PDE8B: variants seen among roughly 807,000 people sequenced by gnomAD.
PDE8B encodes phosphodiesterase 8B.
PDE8B carries 26 observed loss-of-function variants against 101.3 expected under a neutral mutation model. That is an observed-to-expected ratio of 0.26 (90% CI 0.19 to 0.36). The LOEUF (loss-of-function observed/expected upper bound fraction) is 0.36, where lower values mean the gene tolerates loss of function less well. Ranked by LOEUF, PDE8B falls within the 10% of genes least tolerant of loss-of-function variation. The pLI is 1.00. For missense variants in PDE8B, 810 were observed against 1,163.1 expected (o/e 0.70, Z 4.42); for synonymous variants, 424 against 429.3 (o/e 0.99, Z 0.15).
the PDE8B span, among the ~76,000 whole-genome samples, chr5:77,193,596 T>C: frequency 6.6e-6 from 1 of 152,160 alleles, no homozygotes; most frequent in Non-Finnish European, 1.5e-5. Context: ...AATTTTAAAA[T>C]CAGGCACTGT....
At chr5:77,348,367 A>G (rs1427903284) in intron 7 of PDE8B, among the ~76,000 whole-genome samples, 3 of 152,208 alleles carry the variant, frequency 2.0e-5, no homozygotes, top group Non-Finnish European at 4.4e-5. Flanking sequence ...AGGGTGGGAC[A>G]GGACCTGGGA....
intron 10 of PDE8B, among the ~76,000 whole-genome samples, chr5:77,379,267 GA>G (rs1178591939): frequency 6.6e-6 from 1 of 152,190 alleles, no homozygotes; most frequent in Non-Finnish European, 1.5e-5. Context: ...AACAGCAGAA[GA>G]AGATAAATCT....
intron 1 of PDE8B, among the ~76,000 whole-genome samples, chr5:77,233,795 T>G (rs1046857624): frequency 1.3e-5 from 2 of 150,604 alleles, no homozygotes; most frequent in Non-Finnish European, 3.0e-5. Flanking sequence ...AGGGTATGTT[T>G]GAGTTTTTTT....
At chr5:77,101,140 T>G in the PDE8B span, among the ~76,000 whole-genome samples, 149 of 151,288 alleles carry the variant, frequency 9.8e-4, no homozygotes, top group Non-Finnish European at 2.0e-3. Context: ...TGCCTGTTTT[T>G]TTTTTTTTTT....
At chr5:77,409,474 T>C (rs1166725124) in intron 14 of PDE8B, among the ~76,000 whole-genome samples, 1 of 152,214 alleles carries the variant, frequency 6.6e-6, no homozygotes, top group African/African-American at 2.4e-5. Context: ...CTATAGCATT[T>C]AATCTTAACT....
the PDE8B span, among the ~76,000 whole-genome samples, chr5:77,102,925 G>A: frequency 6.6e-6 from 1 of 152,200 alleles, no homozygotes; most frequent in Non-Finnish European, 1.5e-5. Flanking sequence ...GCACTCACTT[G>A]ACCACGTGGT....
Position 77,400,260 on chromosome 5 carries a change from C to T in PDE8B, c.1180C>T (p.His394Tyr), listed in dbSNP as rs910533052. Residue 394 changes from histidine to tyrosine, a missense_variant, in exon 11 of 22, where the codon CAT becomes TAT. Around this residue, in one of 4 missense-constraint regions of PDE8B, gnomAD observed 75 missense variants for 76.9 expected, o/e 0.98. Transcript: ENST00000264917. ...TDNNKQIHKIHRDSGDNSQTE... is the reference protein window; with the variant it reads ...TDNNKQIHKIYRDSGDNSQTE... ...TGAACGACTTTAGATTCACAAGATT[C>T]ATCGTGATTCAGGAGACAATTCTCA... is the stretch of plus-strand genomic sequence containing the variant. 1.9e-6 allele frequency: 3 copies of T among 1,602,184 alleles called. No individual in the cohort carries two copies. The highest frequency in any genetic ancestry group is 2.6e-6 in the Non-Finnish European group (3 of 1,169,178).
chr5:77,242,041 A>T (rs942717172), intron 1 of PDE8B, among the ~76,000 whole-genome samples: 25 of 152,182 alleles, frequency 1.6e-4, no homozygotes, highest in Non-Finnish European at 2.9e-5. Flanking sequence ...AGAGCTTCTA[A>T]TTTGGGGTAA....
intron 2 of PDE8B, among the ~76,000 whole-genome samples, chr5:77,321,101 G>A (rs1774957603): frequency 1.3e-5 from 2 of 148,836 alleles, no homozygotes; most frequent in Admixed American, 6.7e-5. Flanking sequence ...TCTCTGAGCC[G>A]TTTGACATCA....
chr5:77,422,032 G>T (rs1210643705), intron 20 of PDE8B, 44 bp downstream of exon 20: 1 of 1,583,246 alleles, frequency 6.3e-7, no homozygotes, highest in Non-Finnish European at 8.7e-7. Flanking sequence ...CTCTGGGAAT[G>T]GGAACTAGGT....
chr5:77,300,406 A>G (rs1269413514), intron 1 of PDE8B, among the ~76,000 whole-genome samples: 1 of 152,136 alleles, frequency 6.6e-6, no homozygotes, highest in African/African-American at 2.4e-5. Flanking sequence ...TATTCCACCA[A>G]TGGACACAGA....
intron 10 of PDE8B, among the ~76,000 whole-genome samples, chr5:77,355,202 C>G (rs1327583717): frequency 6.6e-6 from 1 of 152,186 alleles, no homozygotes; most frequent in Admixed American, 6.5e-5. Context: ...TTCTGAGGCT[C>G]TAAGTAGAAA....
intron 6 of PDE8B, among the ~76,000 whole-genome samples, chr5:77,341,722 T>C (rs1313667081): frequency 1.3e-5 from 2 of 152,220 alleles, no homozygotes; most frequent in East Asian, 3.8e-4. Context: ...TGGAAAACAC[T>C]GTTGATAAGA....
chr5:77,322,936 T>C (rs1202891104), intron 2 of PDE8B, among the ~76,000 whole-genome samples: 30 of 152,252 alleles, frequency 2.0e-4, no homozygotes, highest in Non-Finnish European at 1.8e-4. Context: ...AAGAGAATTG[T>C]TATATTCTTA....
chr5:77,259,899 C>T (rs1290059785), intron 1 of PDE8B, among the ~76,000 whole-genome samples: 2 of 152,106 alleles, frequency 1.3e-5, no homozygotes, highest in African/African-American at 4.8e-5. Context: ...TGTTGGCTCA[C>T]CTCTGTAATC....
the PDE8B span, among the ~76,000 whole-genome samples, chr5:77,155,147 C>G: frequency 1.3e-5 from 2 of 152,222 alleles, no homozygotes; most frequent in African/African-American, 4.8e-5. Flanking sequence ...TCCTCTCTCT[C>G]TCTCTTTTTC....
chr5:77,364,185 G>GC (rs1783684270), intron 10 of PDE8B, among the ~76,000 whole-genome samples: 1 of 152,180 alleles, frequency 6.6e-6, no homozygotes, highest in Non-Finnish European at 1.5e-5. Flanking sequence ...GCAAGGTTGG[G>GC]CATGCAGTAA....
chr5:77,402,184 C>T (rs1352925800), intron 11 of PDE8B, among the ~76,000 whole-genome samples: 1 of 151,922 alleles, frequency 6.6e-6, no homozygotes, highest in Non-Finnish European at 1.5e-5. Flanking sequence ...GTATTAGTTT[C>T]GTTTCTCAGG....
At chr5:77,197,846 T>C in the PDE8B span, among the ~76,000 whole-genome samples, 2 of 151,744 alleles carry the variant, frequency 1.3e-5, no homozygotes, top group Non-Finnish European at 2.9e-5. Flanking sequence ...TCTATTTGAT[T>C]CTTTTTTAAT....
Sources: gnomAD v4.1 joint callset for allele counts (sites outside exome capture counted in the v4.1 genomes callset) on GRCh38, gnomAD v4.1.1 for gene constraint, gnomAD v4.1.1 regional missense constraint, MANE v1.5 for transcripts, NCBI Gene and HGNC (gene_info 2026-07-23, HGNC 2026-07-21) for gene names.